AAK1: variants seen among roughly 807,000 people sequenced by gnomAD.
AAK1 encodes the protein AP2 associated kinase 1, also known as AP2-associated protein kinase 1.
A neutral mutation model predicts 116.0 loss-of-function variants in AAK1; 37 were observed. The ratio of observed to expected loss-of-function variants is 0.32; its 90% CI spans 0.25 to 0.42. The LOEUF is 0.42. Ranked by LOEUF, AAK1 falls within the 10% of genes least tolerant of loss-of-function variation. The pLI is 1.00. For synonymous variants in AAK1, 458 were observed against 439.9 expected (o/e 1.04, Z -0.51); for missense variants, 919 against 1,170.6 (o/e 0.79, Z 3.14).
intron 2 of AAK1, among the ~76,000 whole-genome samples, chr2:69,600,035 G>A (rs1431939957): frequency 6.6e-6 from 1 of 151,418 alleles, no homozygotes; most frequent in Non-Finnish European, 1.5e-5. Context: ...TCCTTCCTTG[G>A]CCTCCCAAAG....
At chr2:69,483,236 C>CA (rs1675164364) in intron 17 of AAK1, among the ~76,000 whole-genome samples, 1 of 152,208 alleles carries the variant, frequency 6.6e-6, no homozygotes, top group Non-Finnish European at 1.5e-5. Context: ...GCCTTCCTCT[C>CA]ACCACAGACC....
Position 69,472,733 on chromosome 2 carries a change from A to G in AAK1, c.*3136T>C, listed in dbSNP as rs1021458578. ...GCTGGAATAAAAGCAAATCAGAAAC[A>G]TATGCTTATAGTATTTGCCCGTTTT... On this transcript the variant is annotated 3_prime_UTR_variant, in exon 22 of 22. Transcript: ENST00000409085. 1 of 985,316 alleles carries G rather than the reference A, an allele frequency of 1.0e-6. No individual in the cohort carries two copies. The highest frequency in any genetic ancestry group is 1.7e-5 in the African/African-American group (1 of 57,248). The allele number at this position is 985,316 out of a possible 1,614,324, so 61.0% of individuals were successfully genotyped here.
chr2:69,583,238 T>C (rs1455260432), intron 2 of AAK1, among the ~76,000 whole-genome samples: 1 of 152,234 alleles, frequency 6.6e-6, no homozygotes, highest in Non-Finnish European at 1.5e-5. Flanking sequence ...GGATATGAAA[T>C]ACACCAAATA....
chr2:69,589,938 T>C (rs937402020), intron 2 of AAK1, among the ~76,000 whole-genome samples: 1 of 151,604 alleles, frequency 6.6e-6, no homozygotes, highest in Admixed American at 6.6e-5. Context: ...CCAAGCAAGA[T>C]AATAAAAAGA....
chr2:69,643,438 C>A, intron 1 of AAK1, 137 bp downstream of exon 1: 1 of 1,192,526 alleles, frequency 8.4e-7, no homozygotes, highest in Non-Finnish European at 1.0e-6. Context: ...GCCCCAGAAC[C>A]CGGGACCCCC....
At chr2:69,527,165 AAATGGC>A in intron 9 of AAK1, 45 bp downstream of exon 9, 1 of 1,378,822 alleles carries the variant, frequency 7.3e-7, no homozygotes, top group Non-Finnish European at 1.0e-6. Context: ...CAGGAGCTCA[AAATGGC>A]AATTTGATAA....
intron 17 of AAK1, among the ~76,000 whole-genome samples, chr2:69,487,839 G>A (rs1269012981): frequency 6.7e-6 from 1 of 149,454 alleles, no homozygotes; most frequent in African/African-American, 2.5e-5. Flanking sequence ...GCCCAGGCTG[G>A]AGTGCAATGG....
chr2:69,621,110 G>A (rs1212966744), intron 2 of AAK1, among the ~76,000 whole-genome samples: 1 of 152,216 alleles, frequency 6.6e-6, no homozygotes, highest in Non-Finnish European at 1.5e-5. Context: ...TAAGGAGGAA[G>A]CACGGTGTTA....
chr2:69,484,002 A>C (rs979251191), intron 17 of AAK1, among the ~76,000 whole-genome samples: 1 of 152,262 alleles, frequency 6.6e-6, no homozygotes, highest in African/African-American at 2.4e-5. Context: ...TATAGGAAGA[A>C]GGGAATTTAG....
chr2:69,497,589 C>T (rs1429087747), intron 16 of AAK1, among the ~76,000 whole-genome samples: 1 of 151,928 alleles, frequency 6.6e-6, no homozygotes, highest in Non-Finnish European at 1.5e-5. Flanking sequence ...CGTGAGCCAC[C>T]GTGCCCAGCC....
At chr2:69,528,706 C>T (rs529309404) in intron 8 of AAK1, among the ~76,000 whole-genome samples, 3 of 152,110 alleles carry the variant, frequency 2.0e-5, no homozygotes, top group East Asian at 1.9e-4. Context: ...TAGATCTGTG[C>T]GTTTAGGGTG....
At chr2:69,594,951 TC>T in intron 2 of AAK1, 1 of 905,094 alleles carries the variant, frequency 1.1e-6, no homozygotes. Flanking sequence ...AACGCCACTT[TC>T]CCTGGGCATA....
intron 16 of AAK1, among the ~76,000 whole-genome samples, chr2:69,497,880 T>A (rs553568860): frequency 6.6e-6 from 1 of 152,108 alleles, no homozygotes; most frequent in Non-Finnish European, 1.5e-5. Flanking sequence ...GGCCCTAGGC[T>A]CCTCAGTGCT....
At chr2:69,575,293 T>C (rs1473246916) in intron 2 of AAK1, among the ~76,000 whole-genome samples, 1 of 143,250 alleles carries the variant, frequency 7.0e-6, no homozygotes, top group Non-Finnish European at 1.5e-5. Flanking sequence ...AAACTTCCTT[T>C]GTCTCTGGTA....
chr2:69,617,710 G>A (rs529890733), intron 2 of AAK1, among the ~76,000 whole-genome samples: 162 of 152,344 alleles, frequency 1.1e-3, no homozygotes, highest in Non-Finnish European at 1.8e-3. Context: ...ACATGTAAAA[G>A]AAGTGAACAG....
chr2:69,479,275 T>G (rs1304828123), intron 19 of AAK1, among the ~76,000 whole-genome samples: 1 of 152,192 alleles, frequency 6.6e-6, no homozygotes, highest in Non-Finnish European at 1.5e-5. Context: ...GTTACTGCAT[T>G]TACACGTTAC....
intron 2 of AAK1, among the ~76,000 whole-genome samples, chr2:69,572,966 G>A (rs994622987): frequency 1.3e-5 from 2 of 152,194 alleles, no homozygotes; most frequent in African/African-American, 4.8e-5. Flanking sequence ...AGGGATGGCC[G>A]ACTCAGCCCT....
At chr2:69,556,770 G>T in intron 3 of AAK1, 90 bp downstream of exon 3, 1 of 961,582 alleles carries the variant, frequency 1.0e-6, no homozygotes. Flanking sequence ...CCATCTCAGG[G>T]AAGGGAACAA....
chr2:69,563,185 T>C (rs1671718844), intron 2 of AAK1, among the ~76,000 whole-genome samples: 2 of 152,160 alleles, frequency 1.3e-5, no homozygotes, highest in Non-Finnish European at 1.5e-5. Flanking sequence ...TGGCTCTATA[T>C]TCAAACACTG....
Sources: gnomAD v4.1 joint callset for allele counts (sites outside exome capture counted in the v4.1 genomes callset) on GRCh38, gnomAD v4.1.1 for gene constraint, MANE v1.5 for transcripts, NCBI Gene and HGNC (gene_info 2026-07-23, HGNC 2026-07-21) for gene names.